DOCK1: variants seen among roughly 807,000 people sequenced by gnomAD.
DOCK1 encodes dedicator of cytokinesis protein 1.
Under a neutral mutation model 262.7 loss-of-function variants are expected in DOCK1, and 138 were observed. That is an observed-to-expected ratio of 0.53 (90% CI 0.46 to 0.61). DOCK1 has a LOEUF of 0.61. Ranked by LOEUF, DOCK1 falls within the 20% of genes least tolerant of loss-of-function variation. DOCK1 has a pLI of 0.00. For missense variants in DOCK1, 1,908 were observed against 2,370.7 expected (o/e 0.80, Z 4.05); for synonymous variants, 866 against 867.4 (o/e 1.00, Z 0.03).
At chr10:127,101,683 T>C (rs12253139) in intron 23 of DOCK1, among the ~76,000 whole-genome samples, 34,392 of 152,132 alleles carry the variant, frequency 0.23, 5,526 homozygotes, top group African/African-American at 0.46. Flanking sequence ...ATTCACACAG[T>C]GTCCGGCAGC....
At chr10:127,133,768 C>T (rs2050470053) in intron 27 of DOCK1, among the ~76,000 whole-genome samples, 1 of 152,150 alleles carries the variant, frequency 6.6e-6, no homozygotes. Context: ...TGTCATTGAC[C>T]AAAATGTATA....
chr10:127,158,746 A>G (rs1401243656), intron 27 of DOCK1, among the ~76,000 whole-genome samples: 1 of 152,224 alleles, frequency 6.6e-6, no homozygotes, highest in African/African-American at 2.4e-5. Context: ...AATGATAAGC[A>G]TGTTCATTGT....
At chr10:127,183,874 A>T (rs534934161) in intron 27 of DOCK1, among the ~76,000 whole-genome samples, 1 of 152,232 alleles carries the variant, frequency 6.6e-6, no homozygotes, top group South Asian at 2.1e-4. Context: ...TGGTTGTTTA[A>T]TTTTTCCCTT....
intron 10 of DOCK1, chr10:127,001,590 A>G (rs972729378): frequency 2.0e-5 from 3 of 152,220 alleles, no homozygotes; most frequent in African/African-American, 7.2e-5. Flanking sequence ...TCACCATCCT[A>G]AAAGTCCTCT....
rs554013172 is a variant in DOCK1 at position 127,026,251 on chromosome 10, T to A, written c.1552-101T>A. 7.0e-6 allele frequency: 8 copies of A among 1,143,286 alleles called. No homozygotes were observed. The Admixed American group carries it at 1.4e-4, about 20-fold the overall frequency. The allele number at this position is 1,143,286 out of a possible 1,614,324, so 70.8% of individuals were successfully genotyped here. Reference sequence around the variant, plus strand: ...TGTACAGTATTTTCACCACTGCAGTTAGAAATGTTTACAGTTGTACCTGAT... The same window carrying A: ...TGTACAGTATTTTCACCACTGCAGTAAGAAATGTTTACAGTTGTACCTGAT... On this transcript the variant is annotated intron_variant, in intron 15 of 51. Coordinates refer to ENST00000623213, the MANE Select transcript of DOCK1 (RefSeq NM_001290223.2).
chr10:126,988,105 A>G (rs2039542007), intron 5 of DOCK1: 1 of 152,632 alleles, frequency 6.6e-6, no homozygotes, highest in South Asian at 2.0e-4. Context: ...TGACAGGAAT[A>G]GGGAAATATT....
At chr10:127,348,085 G>T (rs1253645421) in intron 31 of DOCK1, among the ~76,000 whole-genome samples, 1 of 151,464 alleles carries the variant, frequency 6.6e-6, no homozygotes, top group Admixed American at 6.6e-5. Context: ...AAAAGAATGG[G>T]CCATACCACG....
chr10:127,250,771 G>A (rs1296028255), intron 28 of DOCK1, among the ~76,000 whole-genome samples: 8 of 119,912 alleles, frequency 6.7e-5, no homozygotes, highest in South Asian at 5.5e-4. Flanking sequence ...TAGCTTGGGC[G>A]ACACAGTGAG....
intron 35 of DOCK1, 38 bp downstream of exon 35, chr10:127,374,252 A>G: frequency 1.9e-6 from 3 of 1,580,696 alleles, no homozygotes; most frequent in Non-Finnish European, 2.6e-6. Flanking sequence ...CAGTTTTCAC[A>G]GCACACCAGA....
In DOCK1 at chr10:127,373,772, T is replaced by C; in HGVS notation, c.3433-9T>C. The C allele has an allele frequency of 6.2e-7, 1 of 1,603,290 alleles. No homozygotes were observed. The highest frequency in any genetic ancestry group is 8.5e-7 in the Non-Finnish European group (1 of 1,174,322). Reference sequence around the variant, plus strand: ...GCTGATTATTTACGCTTCCTCTGTTTAATTATAGTTTGAAAATGAGATCAT... The same window carrying C: ...GCTGATTATTTACGCTTCCTCTGTTCAATTATAGTTTGAAAATGAGATCAT... On this transcript the variant is annotated splice_polypyrimidine_tract_variant and intron_variant, in intron 33 of 51. Coordinates refer to ENST00000623213, the MANE Select transcript of DOCK1 (RefSeq NM_001290223.2).
intron 50 of DOCK1, among the ~76,000 whole-genome samples, chr10:127,445,960 G>C (rs2070517002): frequency 6.6e-6 from 1 of 152,214 alleles, no homozygotes; most frequent in Non-Finnish European, 1.5e-5. Context: ...TCTAAGGCAA[G>C]TTCATAGAGA....
At chr10:127,157,120 A>G (rs2053160634) in intron 27 of DOCK1, among the ~76,000 whole-genome samples, 1 of 152,226 alleles carries the variant, frequency 6.6e-6, no homozygotes, top group African/African-American at 2.4e-5. Flanking sequence ...AATTTTTGAT[A>G]CTGCTGAGTG....
chr10:126,917,038 C>G (rs1470531407), intron 1 of DOCK1, among the ~76,000 whole-genome samples: 5 of 122,774 alleles, frequency 4.1e-5, no homozygotes, highest in African/African-American at 1.5e-4. Flanking sequence ...CAGGTGGGAG[C>G]TGTGCGAGGC....
At chr10:127,370,620 T>C (rs1344174353) in intron 33 of DOCK1, among the ~76,000 whole-genome samples, 1 of 152,228 alleles carries the variant, frequency 6.6e-6, no homozygotes, top group Non-Finnish European at 1.5e-5. Flanking sequence ...CTTCTCTCCA[T>C]GATCTTTCAA....
rs1163491662 is a variant in DOCK1 at position 127,141,988 on chromosome 10, A to G, written c.2847+14224A>G. ...TCCTTTCCGTCTTCTAGGATTCTACAGTAAGATCTTGGATAGAATGGGTGG... is the reference window on the plus strand; with the variant it reads ...TCCTTTCCGTCTTCTAGGATTCTACGGTAAGATCTTGGATAGAATGGGTGG... On this transcript the variant is annotated intron_variant, in intron 27 of 51. Coordinates refer to ENST00000623213, the MANE Select transcript of DOCK1 (RefSeq NM_001290223.2). Among the ~76,000 whole-genome samples the G allele has an allele frequency of 2.6e-5, 4 of 152,188 alleles. 1 individual carries two copies. Among genetic ancestry groups the G allele is most frequent in the South Asian group, 2.1e-4 (1 of 4,830 alleles).
rs781730712 is a variant in DOCK1 at position 127,404,471 on chromosome 10, C to A, written c.4122+42C>A. ...CCTAATCTGAGCCATGATTGTTCCC[C>A]CAGCAGAAAATCCCCTTCCCGTTCT... On this transcript the variant is annotated intron_variant, in intron 40 of 51. Transcript: ENST00000623213. 5 of 1,577,148 alleles carry A rather than the reference C, an allele frequency of 3.2e-6. No homozygotes were observed. In the Admixed American group the frequency reaches 7.0e-5, roughly 22 times the overall value.
At chr10:127,259,693 T>A (rs1411637593) in intron 29 of DOCK1, among the ~76,000 whole-genome samples, 3 of 151,998 alleles carry the variant, frequency 2.0e-5, no homozygotes, top group African/African-American at 7.2e-5. Context: ...CTGACAAAGG[T>A]CAGGCGGGAT....
intron 1 of DOCK1, among the ~76,000 whole-genome samples, chr10:126,912,451 G>A (rs2031918988): frequency 1.3e-5 from 2 of 150,740 alleles, no homozygotes; most frequent in Admixed American, 1.3e-4. Context: ...AAGAGACCGG[G>A]CGCGGTGGCT....
intron 46 of DOCK1, among the ~76,000 whole-genome samples, chr10:127,423,581 C>T (rs980554578): frequency 6.6e-6 from 1 of 152,132 alleles, no homozygotes; most frequent in Non-Finnish European, 1.5e-5. Context: ...GCATCCCTGC[C>T]GAGTATCCAA....
Sources: allele counts gnomAD v4.1 joint callset (sites outside exome capture counted in the v4.1 genomes callset), GRCh38; gene constraint gnomAD v4.1.1; transcripts MANE v1.5; gene names NCBI Gene and HGNC (gene_info 2026-07-23, HGNC 2026-07-21).